Variants in LRRC4C observed in about 807,000 individuals in gnomAD.
The protein encoded by LRRC4C is leucine-rich repeat-containing protein 4C.
Under a neutral mutation model 33.6 loss-of-function variants are expected in LRRC4C, and 5 were observed. The observed-to-expected ratio is 0.15, with a 90% CI of 0.08 to 0.31. LRRC4C has a LOEUF of 0.31. Ranked by LOEUF, LRRC4C falls within the 10% of genes least tolerant of loss-of-function variation. LRRC4C has a pLI of 1.00. For missense variants in LRRC4C, 560 were observed against 796.7 expected (o/e 0.70, Z 3.58); for synonymous variants, 329 against 302.0 (o/e 1.09, Z -0.93).
intron 2 of LRRC4C, among the ~76,000 whole-genome samples, chr11:40,807,625 C>T (rs1951311486): frequency 6.6e-6 from 1 of 152,208 alleles, no homozygotes; most frequent in South Asian, 2.1e-4. Context: ...GAGCTGTCAT[C>T]CAAAGCAGTA....
chr11:41,282,379 A>C (rs972854724), intron 1 of LRRC4C, among the ~76,000 whole-genome samples: 1 of 152,218 alleles, frequency 6.6e-6, no homozygotes, highest in Non-Finnish European at 1.5e-5. Flanking sequence ...AAGCAGTAGA[A>C]GTAAACCTCT....
chr11:40,591,019 C>T (rs1959027154), intron 3 of LRRC4C, among the ~76,000 whole-genome samples: 1 of 152,164 alleles, frequency 6.6e-6, no homozygotes, highest in African/African-American at 2.4e-5. Context: ...GTTGGAGCTT[C>T]CTGGCTGCTT....
intron 3 of LRRC4C, among the ~76,000 whole-genome samples, chr11:40,476,232 A>ATG (rs1301733016): frequency 1.3e-5 from 2 of 152,002 alleles, no homozygotes; most frequent in East Asian, 3.9e-4. Context: ...ATATACACTC[A>ATG]TGTATGGCAT....
intron 3 of LRRC4C, among the ~76,000 whole-genome samples, chr11:40,384,476 C>A (rs561894420): frequency 6.6e-6 from 1 of 152,164 alleles, no homozygotes; most frequent in East Asian, 1.9e-4. Context: ...TGAGTTTAGA[C>A]AGATTATATA....
chr11:40,566,490 A>T (rs2135539164), intron 3 of LRRC4C, among the ~76,000 whole-genome samples: 1 of 152,248 alleles, frequency 6.6e-6, no homozygotes, highest in South Asian at 2.1e-4. Flanking sequence ...AAATTATAGA[A>T]TAGTTACTAG....
Position 41,197,101 on chromosome 11 carries a change from A to G in LRRC4C, c.-496+262330T>C, listed in dbSNP as rs187954302. 6.7e-3 allele frequency among the ~76,000 whole-genome samples: 1,015 copies of G among 152,220 alleles called. 6 individuals are homozygous for G. The highest frequency in any genetic ancestry group is 0.01 in the Non-Finnish European group (711 of 67,972). On this transcript the variant is annotated intron_variant, in intron 1 of 6. Coordinates refer to ENST00000528697, the MANE Select transcript of LRRC4C (RefSeq NM_001258419.2). Reference sequence around the variant, plus strand: ...CATGGAAGTACCACTTTGCTAAGACAGCAAACAAGTTACAGCTACACTTCC... The same window carrying G: ...CATGGAAGTACCACTTTGCTAAGACGGCAAACAAGTTACAGCTACACTTCC...
chr11:40,902,624 T>C (rs1402270175), intron 2 of LRRC4C, among the ~76,000 whole-genome samples: 1 of 152,078 alleles, frequency 6.6e-6, no homozygotes, highest in Non-Finnish European at 1.5e-5. Flanking sequence ...AGAGGAAAAG[T>C]TTTTGAAGGG....
chr11:41,120,037 G>A (rs936032107), intron 1 of LRRC4C, among the ~76,000 whole-genome samples: 3 of 152,054 alleles, frequency 2.0e-5, no homozygotes, highest in Non-Finnish European at 2.9e-5. Context: ...TTCTGATTTC[G>A]TCTCAGTCCA....
At chr11:41,448,864 A>G (rs1184665998) in intron 1 of LRRC4C, among the ~76,000 whole-genome samples, 1 of 152,224 alleles carries the variant, frequency 6.6e-6, no homozygotes. Flanking sequence ...TTTATAATAA[A>G]TGTAAACTTT....
At chr11:40,469,779 G>C (rs998760885) in intron 3 of LRRC4C, among the ~76,000 whole-genome samples, 8 of 152,152 alleles carry the variant, frequency 5.3e-5, no homozygotes, top group African/African-American at 1.9e-4. Flanking sequence ...GTTTGAACTG[G>C]GTGGAGCCCA....
At chr11:41,118,177 T>C (rs982896961) in intron 1 of LRRC4C, among the ~76,000 whole-genome samples, 2 of 152,188 alleles carry the variant, frequency 1.3e-5, no homozygotes, top group African/African-American at 4.8e-5. Flanking sequence ...AAATTCACCC[T>C]TGACCAATAT....
chr11:40,531,690 A>T lies in LRRC4C; in HGVS notation c.-270+116452T>A, dbSNP rs908869711. ...CCAACTAAATCAAGATTGCGTTTGA[A>T]CTCTGTTTTGGAGAATAGGTATTAT... On this transcript the variant is annotated intron_variant, in intron 3 of 6. Coordinates refer to ENST00000528697, the MANE Select transcript of LRRC4C (RefSeq NM_001258419.2). Among the ~76,000 whole-genome samples the T allele has an allele frequency of 7.9e-5, 12 of 151,974 alleles. No homozygotes were observed. The East Asian group carries it at 1.9e-3, about 25-fold the overall frequency.
chr11:40,199,040 A>C (rs1862494543), intron 5 of LRRC4C, among the ~76,000 whole-genome samples: 1 of 152,110 alleles, frequency 6.6e-6, no homozygotes, highest in African/African-American at 2.4e-5. Context: ...GAGAGACAGA[A>C]GTTGAGGGCA....
chr11:41,404,199 T>C (rs1954131222), intron 1 of LRRC4C, among the ~76,000 whole-genome samples: 1 of 152,054 alleles, frequency 6.6e-6, no homozygotes, highest in African/African-American at 2.4e-5. Flanking sequence ...AGATTTTTTC[T>C]TTCTCTGGCA....
chr11:40,694,892 C>T (rs1207087129), intron 2 of LRRC4C, among the ~76,000 whole-genome samples: 6 of 152,080 alleles, frequency 3.9e-5, no homozygotes, highest in African/African-American at 7.2e-5. Context: ...TTATCATCAT[C>T]GTAGCCCCCT....
At chr11:40,323,107 T>C (rs1945932300) in intron 3 of LRRC4C, among the ~76,000 whole-genome samples, 1 of 152,198 alleles carries the variant, frequency 6.6e-6, no homozygotes, top group African/African-American at 2.4e-5. Flanking sequence ...GAAATGGATC[T>C]TTTTGCTCAG....
intron 2 of LRRC4C, among the ~76,000 whole-genome samples, chr11:40,760,787 GTATA>G (rs72363035): frequency 3.6e-4 from 51 of 140,576 alleles, no homozygotes; most frequent in African/African-American, 5.6e-4. Flanking sequence ...ATTTTTGTGT[GTATA>G]TATATATATA....
At chr11:40,897,346 G>A (rs61886615) in intron 2 of LRRC4C, among the ~76,000 whole-genome samples, 12,933 of 152,084 alleles carry the variant, frequency 0.085, 605 homozygotes, top group Non-Finnish European at 0.1. Flanking sequence ...TGGTTTCCCT[G>A]GAATTCAAAA....
chr11:40,173,173 G>A (rs1860189975), intron 5 of LRRC4C, among the ~76,000 whole-genome samples: 1 of 152,206 alleles, frequency 6.6e-6, no homozygotes, highest in South Asian at 2.1e-4. Context: ...CTCCAGAACT[G>A]TGAGGCAATA....
Sources: gnomAD v4.1 joint callset for allele counts (sites outside exome capture counted in the v4.1 genomes callset) on GRCh38, gnomAD v4.1.1 for gene constraint, MANE v1.5 for transcripts, NCBI Gene and HGNC (gene_info 2026-07-23, HGNC 2026-07-21) for gene names.